Variants in HPSE2 observed in about 807,000 individuals in gnomAD.
HPSE2 encodes heparanase 2 (inactive).
Under a neutral mutation model 60.5 loss-of-function variants are expected in HPSE2, and 38 were observed. The observed-to-expected ratio is 0.63, with a 90% CI of 0.48 to 0.82. HPSE2 has a LOEUF of 0.82. Among genes scored for constraint, HPSE2 ranks in the 40% least tolerant of loss-of-function variants. The pLI is 0.00. For missense variants in HPSE2, 713 were observed against 740.4 expected (o/e 0.96, Z 0.43); for synonymous variants, 295 against 293.2 (o/e 1.01, Z -0.06).
At chr10:99,086,157 G>A (rs139168202) in intron 3 of HPSE2, among the ~76,000 whole-genome samples, 8 of 152,084 alleles carry the variant, frequency 5.3e-5, no homozygotes, top group African/African-American at 9.6e-5. Context: ...TAGTATGTCT[G>A]GCCCCTTCAG....
the HPSE2 span, among the ~76,000 whole-genome samples, chr10:99,310,275 G>A: frequency 6.6e-6 from 1 of 152,086 alleles, no homozygotes; most frequent in Admixed American, 6.5e-5. Context: ...CTGGTATGAG[G>A]ACATAGACAT....
chr10:98,621,662 ACTGTGTCTCAGAACTGACCC>A (rs1385159350), intron 7 of HPSE2, among the ~76,000 whole-genome samples: 15 of 152,354 alleles, frequency 9.8e-5, no homozygotes, highest in African/African-American at 3.6e-4. Flanking sequence ...AGCCTTACAG[ACTGTGTCTCAGAACTGACCC>A]CCAAGGGGAT....
intron 9 of HPSE2, among the ~76,000 whole-genome samples, chr10:98,514,831 G>A (rs911555853): frequency 1.2e-4 from 18 of 147,154 alleles, no homozygotes; most frequent in Admixed American, 1.0e-3. Context: ...CAATTCCTCT[G>A]CCTCAGCCTC....
intron 3 of HPSE2, among the ~76,000 whole-genome samples, chr10:98,758,670 A>G (rs933694668): frequency 6.6e-6 from 1 of 152,196 alleles, no homozygotes. Flanking sequence ...GCTGTTATTA[A>G]AATGTCAAAA....
chr10:99,086,383 C>T (rs1275185929), intron 3 of HPSE2, among the ~76,000 whole-genome samples: 20 of 119,600 alleles, frequency 1.7e-4, no homozygotes, highest in Non-Finnish European at 3.2e-4. Context: ...GACGGAGTCT[C>T]GCTCTGTCGC....
At chr10:98,613,196 T>C (rs1945808683) in intron 9 of HPSE2, among the ~76,000 whole-genome samples, 1 of 152,234 alleles carries the variant, frequency 6.6e-6, no homozygotes, top group South Asian at 2.1e-4. Context: ...CTCCAGTGCC[T>C]GATGTTCAAA....
chr10:98,942,734 T>C (rs1955049586), intron 3 of HPSE2, among the ~76,000 whole-genome samples: 1 of 152,158 alleles, frequency 6.6e-6, no homozygotes, highest in Non-Finnish European at 1.5e-5. Flanking sequence ...TTATTGGGTA[T>C]ATACCCAAAG....
At chr10:98,645,990 C>A (rs1946759540) in intron 6 of HPSE2, among the ~76,000 whole-genome samples, 1 of 152,040 alleles carries the variant, frequency 6.6e-6, no homozygotes, top group Admixed American at 6.5e-5. Flanking sequence ...AAAACAAAAA[C>A]AAACAAACAA....
chr10:98,749,436 T>A (rs1230499460), intron 3 of HPSE2, among the ~76,000 whole-genome samples: 2 of 151,658 alleles, frequency 1.3e-5, no homozygotes, highest in African/African-American at 4.8e-5. Context: ...ATATCTGTTC[T>A]GTATATATAC....
chr10:98,885,248 T>A (rs2134900771), intron 3 of HPSE2, among the ~76,000 whole-genome samples: 1 of 152,258 alleles, frequency 6.6e-6, no homozygotes, highest in East Asian at 1.9e-4. Context: ...TGCAACAACC[T>A]CATGATGAAA....
At position 98,867,290 on chromosome 10, in the gene HPSE2, A is replaced by G. The variant is rs541790144; in HGVS notation, c.611-123234T>C. On this transcript the variant is annotated intron_variant, in intron 3 of 11. Coordinates refer to ENST00000370552, the MANE Select transcript of HPSE2 (RefSeq NM_021828.5). ...ATATATAAGGAACTCAAACAACTCT[A>G]TAGGAAAAAAAAAAAAATCTAATAA... Among the ~76,000 whole-genome samples the G allele has an allele frequency of 1.3e-3, 191 of 151,236 alleles. 2 individuals are homozygous for G. Among genetic ancestry groups the G allele is most frequent in the African/African-American group, 4.3e-3 (179 of 41,280 alleles).
At chr10:99,038,189 A>C (rs1957653124) in intron 3 of HPSE2, among the ~76,000 whole-genome samples, 1 of 152,190 alleles carries the variant, frequency 6.6e-6, no homozygotes, top group South Asian at 2.1e-4. Context: ...ATCCTTGAGA[A>C]ATGAAGACTA....
chr10:99,209,792 C>T (rs541146891), intron 2 of HPSE2, among the ~76,000 whole-genome samples: 6 of 152,128 alleles, frequency 3.9e-5, no homozygotes, highest in Non-Finnish European at 5.9e-5. Context: ...CGGGTTCAAG[C>T]GATTCTTCTG....
chr10:99,230,728 G>C (rs953848991), intron 2 of HPSE2, among the ~76,000 whole-genome samples: 3 of 151,956 alleles, frequency 2.0e-5, no homozygotes, highest in African/African-American at 7.3e-5. Context: ...AACTTATAAT[G>C]GTCCTTTCCT....
At chr10:98,800,321 A>G (rs868618193) in intron 3 of HPSE2, among the ~76,000 whole-genome samples, 10 of 151,690 alleles carry the variant, frequency 6.6e-5, no homozygotes, top group Admixed American at 2.6e-4. Flanking sequence ...GTGAGCTCTG[A>G]TTGCACCACT....
chr10:98,730,671 T>C (rs538461558), intron 4 of HPSE2, among the ~76,000 whole-genome samples: 2 of 152,066 alleles, frequency 1.3e-5, no homozygotes, highest in East Asian at 3.9e-4. Flanking sequence ...GGAACTACTA[T>C]GAAAATCTTT....
chr10:99,076,303 G>A (rs1321939205), intron 3 of HPSE2, among the ~76,000 whole-genome samples: 1 of 151,966 alleles, frequency 6.6e-6, no homozygotes, highest in African/African-American at 2.4e-5. Context: ...AACTTTGATT[G>A]CAGAAAAACC....
At chr10:98,755,054 C>T (rs565068477) in intron 3 of HPSE2, among the ~76,000 whole-genome samples, 116 of 152,046 alleles carry the variant, frequency 7.6e-4, no homozygotes, top group Non-Finnish European at 1.5e-3. Flanking sequence ...ATCAGCTAAA[C>T]GCCCCACAAA....
chr10:99,273,825 A>C, the HPSE2 span, among the ~76,000 whole-genome samples: 14 of 152,200 alleles, frequency 9.2e-5, no homozygotes, highest in African/African-American at 3.4e-4. Context: ...TGAGTACTAC[A>C]GGTGGGAGGG....
Sources: allele counts gnomAD v4.1 joint callset (sites outside exome capture counted in the v4.1 genomes callset), GRCh38; gene constraint gnomAD v4.1.1; transcripts MANE v1.5; gene names NCBI Gene and HGNC (gene_info 2026-07-23, HGNC 2026-07-21).